The following EHHADH variants were observed in gnomAD, a reference collection of about 807,000 sequenced individuals.
EHHADH encodes the protein enoyl-CoA hydratase and 3-hydroxyacyl CoA dehydrogenase.
Under a neutral mutation model 64.4 loss-of-function variants are expected in EHHADH, and 48 were observed. That is an observed-to-expected ratio of 0.75 (90% confidence interval 0.59 to 0.95). The LOEUF (loss-of-function observed/expected upper bound fraction) is 0.95. Among genes scored for constraint, EHHADH ranks in the 40% least tolerant of loss-of-function variants. EHHADH has a pLI of 0.00. For missense variants in EHHADH, 854 were observed against 876.6 expected, an observed-to-expected ratio of 0.97 and a Z score of 0.33; for synonymous variants, 308 against 326.7, an observed-to-expected ratio of 0.94 and a Z score of 0.62.
At chr3:185,248,242 G>T in intron 2 of EHHADH, 172 bp downstream of exon 2, 1 of 603,330 alleles carries the variant, frequency 1.7e-6, no homozygotes, top group Non-Finnish European at 3.0e-6. Context: ...CCCTTCTCTG[G>T]GTCTCTCTTG....
intron 1 of EHHADH, among the ~76,000 whole-genome samples, chr3:185,250,858 C>T (rs1401297422): frequency 6.6e-6 from 1 of 152,192 alleles, no homozygotes; most frequent in Non-Finnish European, 1.5e-5. Context: ...CCAAAAGGCA[C>T]ACATTTCCTT....
intron 5 of EHHADH, among the ~76,000 whole-genome samples, chr3:185,208,353 A>G (rs1718453081): frequency 6.6e-6 from 1 of 152,130 alleles, no homozygotes; most frequent in South Asian, 2.1e-4. Flanking sequence ...CACAGACAAC[A>G]CCTTGATTGT....
intron 2 of EHHADH, chr3:185,245,838 T>A (rs1328810735): frequency 4.7e-6 from 4 of 859,392 alleles, no homozygotes; most frequent in African/African-American, 1.7e-5. Flanking sequence ...GGAGGTTGCA[T>A]AACGAATTTC....
chr3:185,227,098 G>A (rs1413072484), intron 4 of EHHADH, among the ~76,000 whole-genome samples: 2 of 152,204 alleles, frequency 1.3e-5, no homozygotes, highest in Non-Finnish European at 2.9e-5. Flanking sequence ...GTAGAGTTGG[G>A]ATTCAAAGCC....
chr3:185,197,086 A>C (rs987196286), intron 6 of EHHADH, among the ~76,000 whole-genome samples: 2 of 152,046 alleles, frequency 1.3e-5, no homozygotes, highest in African/African-American at 2.4e-5. Context: ...AGGCAAATCC[A>C]CAGAGACAGA....
At chr3:185,207,357 T>C (rs1166480484) in intron 5 of EHHADH, among the ~76,000 whole-genome samples, 1 of 151,852 alleles carries the variant, frequency 6.6e-6, no homozygotes, top group Non-Finnish European at 1.5e-5. Flanking sequence ...TGCAATCTAA[T>C]CATATGAGTC....
At chr3:185,235,496 G>C (rs1311176401) in intron 2 of EHHADH, 34 bp from the exon 3 acceptor site, 4 of 1,559,456 alleles carry the variant, frequency 2.6e-6, no homozygotes, top group Non-Finnish European at 3.5e-6. Flanking sequence ...AAACAGAGTT[G>C]AGAAATACAT....
intron 2 of EHHADH, chr3:185,245,580 T>G: frequency 1.3e-6 from 1 of 785,236 alleles, no homozygotes; most frequent in Non-Finnish European, 2.2e-6. Context: ...AAGAGTTGCA[T>G]GTCCTTCTGC....
At chr3:185,240,604 A>T (rs1224911730) in intron 2 of EHHADH, among the ~76,000 whole-genome samples, 1 of 151,826 alleles carries the variant, frequency 6.6e-6, no homozygotes, top group African/African-American at 2.4e-5. Flanking sequence ...CTTTTTGTGG[A>T]ATCAGCTGTA....
intron 5 of EHHADH, among the ~76,000 whole-genome samples, chr3:185,207,771 C>CTAAGCT (rs1560010141): frequency 6.6e-6 from 1 of 152,178 alleles, no homozygotes; most frequent in Non-Finnish European, 1.5e-5. Context: ...ATTTAAACTG[C>CTAAGCT]TAAGCTTGTG....
intron 6 of EHHADH, among the ~76,000 whole-genome samples, chr3:185,195,097 C>T (rs1411932496): frequency 6.6e-6 from 1 of 152,048 alleles, no homozygotes; most frequent in African/African-American, 2.4e-5. Context: ...GATCATAGGC[C>T]TAAATGTAAG....
chr3:185,208,507 T>A (rs907508422), intron 5 of EHHADH, among the ~76,000 whole-genome samples: 2 of 152,178 alleles, frequency 1.3e-5, no homozygotes, highest in African/African-American at 2.4e-5. Flanking sequence ...ATGACTATAA[T>A]AAAAAGCCAT....
intron 6 of EHHADH, among the ~76,000 whole-genome samples, chr3:185,203,014 GA>G (rs199595668): frequency 4.3e-4 from 64 of 148,388 alleles, no homozygotes; most frequent in Non-Finnish European, 6.5e-4. Context: ...GAGATGAAGG[GA>G]AAAAAAAGGA....
chr3:185,199,007 T>C (rs1219147542), intron 6 of EHHADH, among the ~76,000 whole-genome samples: 2 of 152,126 alleles, frequency 1.3e-5, no homozygotes, highest in African/African-American at 4.8e-5. Flanking sequence ...ATTCACAATA[T>C]CCATTCCATA....
intron 5 of EHHADH, among the ~76,000 whole-genome samples, chr3:185,207,104 C>G (rs13073224): frequency 0.5 from 75,856 of 151,680 alleles, 21,924 homozygotes; most frequent in Non-Finnish European, 0.67. Flanking sequence ...ACCTGGGCAA[C>G]GTGGTGAAAC....
At chr3:185,231,617 G>C (rs1173104375) in intron 3 of EHHADH, among the ~76,000 whole-genome samples, 2 of 108,016 alleles carry the variant, frequency 1.9e-5, no homozygotes, top group African/African-American at 6.4e-5. Context: ...CCAGTCACAG[G>C]AGACCACATA....
chr3:185,200,877 A>G (rs7614398), intron 6 of EHHADH, among the ~76,000 whole-genome samples: 1 of 152,078 alleles, frequency 6.6e-6, no homozygotes, highest in Non-Finnish European at 1.5e-5. Context: ...ACAAGCCAAA[A>G]ATTGAGATCA....
chr3:185,225,766 C>T (rs1347622204), intron 4 of EHHADH, among the ~76,000 whole-genome samples: 2 of 152,170 alleles, frequency 1.3e-5, no homozygotes, highest in African/African-American at 4.8e-5. Flanking sequence ...TTTGAACATT[C>T]CAAGCATGTC....
At chr3:185,253,837 C>A in intron 1 of EHHADH, 112 bp downstream of exon 1, 1 of 1,486,682 alleles carries the variant, frequency 6.7e-7, no homozygotes, top group Non-Finnish European at 9.0e-7. Context: ...AGTTGCTCAA[C>A]TCTTGAGTGT....
Sources: allele counts gnomAD v4.1 joint callset (sites outside exome capture counted in the v4.1 genomes callset), GRCh38; gene constraint gnomAD v4.1.1; transcripts MANE v1.5; gene names NCBI Gene and HGNC (gene_info 2026-07-23, HGNC 2026-07-21).